AXIN2: variants seen among roughly 807,000 people sequenced by gnomAD.
The protein encoded by AXIN2 is axin 2.
In AXIN2, 21 loss-of-function variants were observed where a neutral mutation model predicts 74.7. The observed-to-expected ratio is 0.28, with a 90% CI of 0.20 to 0.40. AXIN2 has a LOEUF of 0.40. AXIN2 is among the 10% of genes least tolerant of loss of function. AXIN2 has a pLI of 1.00. For missense variants in AXIN2, 1,144 were observed against 1,111.1 expected (o/e 1.03, Z -0.42); for synonymous variants, 532 against 454.9 (o/e 1.17, Z -2.16).
intron 6 of AXIN2, 46 bp downstream of exon 6, chr17:65,537,278 G>A (rs1383113564): frequency 1.9e-6 from 3 of 1,611,934 alleles, no homozygotes; most frequent in Non-Finnish European, 2.5e-6. Flanking sequence ...GGACCTGGCT[G>A]GGAGACAAGC....
At chr17:65,530,123 A>T (rs759265986) in intron 10 of AXIN2, 21 bp from the exon 11 acceptor site, 14 of 1,613,792 alleles carry the variant, frequency 8.7e-6, no homozygotes, top group Admixed American at 1.7e-5. Flanking sequence ...AAACCAAAAA[A>T]GCTTCTTGGT....
At chr17:65,547,976 T>C (rs1057377731) in intron 3 of AXIN2, among the ~76,000 whole-genome samples, 1 of 152,180 alleles carries the variant, frequency 6.6e-6, no homozygotes, top group Non-Finnish European at 1.5e-5. Flanking sequence ...TTATGCCCTG[T>C]CTAATACTAT....
At chr17:65,530,839 G>A (rs1022380851) in intron 10 of AXIN2, among the ~76,000 whole-genome samples, 2 of 152,132 alleles carry the variant, frequency 1.3e-5, no homozygotes, top group African/African-American at 2.4e-5. Context: ...TATTATGCCC[G>A]TTGATTAAAG....
rs1567756137 is a variant in AXIN2, at chr17:65,537,636, G to GGGGAGC, written c.1394_1399dup (p.Arg465_Ser466dup). The GGGGAGC allele has an allele frequency of 1.9e-6, 3 of 1,585,356 alleles. No individual in the cohort carries two copies. Among genetic ancestry groups the GGGGAGC allele is most frequent in the South Asian group, 2.2e-5 (2 of 89,228 alleles). On this transcript the variant is annotated inframe_insertion, in exon 6 of 11. Transcript: ENST00000307078. ...CGAATGGTGGTGGTGGTGGTGGTCC[G>GGGGAGC]GGGAGCGGGAGCGGGGGCTATAGCG...
chr17:65,541,760 T>C (rs1332886764), intron 3 of AXIN2, among the ~76,000 whole-genome samples: 1 of 152,196 alleles, frequency 6.6e-6, no homozygotes, highest in East Asian at 1.9e-4. Flanking sequence ...CCATCAATCA[T>C]CTATGGAAAC....
At chr17:65,544,116 T>A (rs1442463844) in intron 3 of AXIN2, among the ~76,000 whole-genome samples, 3 of 151,996 alleles carry the variant, frequency 2.0e-5, no homozygotes, top group African/African-American at 7.3e-5. Flanking sequence ...ATGACACAAG[T>A]GACATAAGGC....
chr17:65,530,840 T>C (rs1011820618), intron 10 of AXIN2, among the ~76,000 whole-genome samples: 4 of 152,224 alleles, frequency 2.6e-5, no homozygotes, highest in Non-Finnish European at 5.9e-5. Context: ...ATTATGCCCG[T>C]TGATTAAAGG....
Position 65,531,884 on chromosome 17 carries a change from C to T in AXIN2, c.2406-1782G>A, listed in dbSNP as rs1414121771. On this transcript the variant is annotated intron_variant, in intron 10 of 10. Coordinates refer to ENST00000307078, the MANE Select transcript of AXIN2 (RefSeq NM_004655.4). ...ATTACTCAACGCATCCCAGGTCCCCCCCACCTCCCACCCCTGCTCCACGGC... is the reference window on the plus strand; with the variant it reads ...ATTACTCAACGCATCCCAGGTCCCCTCCACCTCCCACCCCTGCTCCACGGC... Among the ~76,000 whole-genome samples, 4 of 152,296 alleles carry T rather than the reference C, an allele frequency of 2.6e-5. No individual in the cohort carries two copies. In the South Asian group the frequency reaches 8.3e-4, roughly 32 times the overall value.
intron 10 of AXIN2, among the ~76,000 whole-genome samples, chr17:65,533,464 T>C (rs962457946): frequency 1.3e-5 from 2 of 152,186 alleles, no homozygotes; most frequent in Admixed American, 1.3e-4. Context: ...TGTGGGGGTC[T>C]CTCCTAAACT....
At chr17:65,552,605 C>T (rs987269198) in intron 2 of AXIN2, among the ~76,000 whole-genome samples, 1 of 152,162 alleles carries the variant, frequency 6.6e-6, no homozygotes, top group Non-Finnish European at 1.5e-5. Context: ...TGGGCACCCA[C>T]CTGAAGAGCA....
chr17:65,560,768 G>GCCGCCCCGCACATCAAAGCGCGCGGT (rs1428092475), intron 1 of AXIN2: 2 of 151,538 alleles, frequency 1.3e-5, no homozygotes, highest in Admixed American at 6.6e-5. Context: ...ACTTCAAAGG[G>GCCGCCCCGCACATCAAAGCGCGCGGT]CCGCCCCGCA....
At chr17:65,548,132 G>A (rs28429926) in intron 3 of AXIN2, among the ~76,000 whole-genome samples, 2,401 of 152,300 alleles carry the variant, frequency 0.016, 68 homozygotes, top group African/African-American at 0.055. Context: ...CATATTGGAT[G>A]AAAGATGTGT....
intron 7 of AXIN2, 59 bp from the exon 8 acceptor site, chr17:65,536,612 GA>G: frequency 6.3e-7 from 1 of 1,581,004 alleles, no homozygotes; most frequent in Non-Finnish European, 8.7e-7. Flanking sequence ...AGAAGAACTG[GA>G]AAATGTGACT....
chr17:65,538,224 C>G lies in AXIN2; in HGVS notation c.1179G>C (p.Glu393Asp), dbSNP rs922684515. The G allele has an allele frequency of 5.6e-6, 9 of 1,614,262 alleles. No individual in the cohort carries two copies. Among genetic ancestry groups the G allele is most frequent in the Non-Finnish European group, 5.9e-6 (7 of 1,180,046 alleles). Residue 393 changes from glutamate (E) to aspartate (D), a missense_variant, in exon 5 of 11, where the codon GAG (glutamate) becomes GAC (aspartate). By Grantham distance (45) the Glu-to-Asp change is conservative. Coordinates refer to ENST00000307078, the MANE Select transcript of AXIN2 (RefSeq NM_004655.4). ...LELESRHSLE[E>D]RLQQIREDEE... The stretch of plus-strand genomic sequence containing the variant: ...TTACCTCTCGGATCTGCTGCAGGCG[C>G]TCCTCCAGGCTGTGGCGGCTCTCCA...
chr17:65,533,774 G>A, intron 10 of AXIN2, 138 bp downstream of exon 10: 1 of 989,364 alleles, frequency 1.0e-6, no homozygotes, highest in South Asian at 1.4e-5. Flanking sequence ...AATGAGAAGG[G>A]AGCCTCCCCC....
intron 9 of AXIN2, among the ~76,000 whole-genome samples, chr17:65,534,297 T>G (rs919911076): frequency 6.6e-6 from 1 of 152,334 alleles, no homozygotes; most frequent in Admixed American, 6.5e-5. Context: ...GCATGCAGCA[T>G]GCAGAAAAGG....
chr17:65,553,861 G>A (rs11869530), intron 2 of AXIN2, among the ~76,000 whole-genome samples: 74,616 of 111,902 alleles, frequency 0.67, 23,873 homozygotes, highest in East Asian at 0.76. Flanking sequence ...GGGGGGGGGA[G>A]GAAACTCAAA....
chr17:65,560,178 T>A (rs2044342383), intron 1 of AXIN2: 1 of 152,084 alleles, frequency 6.6e-6, no homozygotes, highest in Admixed American at 6.5e-5. Context: ...AGCAGCAGCC[T>A]AGTCCAGAAA....
In AXIN2 at chr17:65,537,829, C is replaced by T. The variant is rs1196309364; in HGVS notation, c.1207G>A (p.Glu403Lys). The T allele has an allele frequency of 3.2e-6, 5 of 1,555,710 alleles. No homozygotes were observed. In the Admixed American group the frequency reaches 5.8e-5, roughly 18 times the overall value. ...ERLQQIREDE[E>K]REGSELTLNS... Reference sequence around the variant, plus strand: ...AGTGTGAGCTCGGAGCCCTCTCTCTCTTCATCCTGAAAGGGAAGACGTCAG... The same window carrying T: ...AGTGTGAGCTCGGAGCCCTCTCTCTTTTCATCCTGAAAGGGAAGACGTCAG... Residue 403 changes from glutamate to lysine, a missense_variant, in exon 6 of 11, where the codon GAG becomes AAG. Transcript: ENST00000307078.
Sources: gnomAD v4.1 joint callset for allele counts (sites outside exome capture counted in the v4.1 genomes callset) on GRCh38, gnomAD v4.1.1 for gene constraint, MANE v1.5 for transcripts, NCBI Gene and HGNC (gene_info 2026-07-23, HGNC 2026-07-21) for gene names.